Variants in TUNAR observed in about 807,000 individuals in gnomAD.
TUNAR encodes the protein protein TUNAR.
At chr14:95,913,452 A>G (rs998801446) in intron 2 of TUNAR, among the ~76,000 whole-genome samples, 1 of 152,100 alleles carries the variant, frequency 6.6e-6, no homozygotes, top group Non-Finnish European at 1.5e-5. Flanking sequence ...TTTGCTGAGA[A>G]TGGTCACCAT....
At chr14:95,919,771 AAGAT>A (rs1448543002) in intron 2 of TUNAR, among the ~76,000 whole-genome samples, 1 of 152,184 alleles carries the variant, frequency 6.6e-6, no homozygotes, top group Non-Finnish European at 1.5e-5. Context: ...CCCAAAAAAG[AAGAT>A]AGATGAATAA....
chr14:95,917,819 A>G (rs138073142), intron 2 of TUNAR, among the ~76,000 whole-genome samples: 98 of 152,374 alleles, frequency 6.4e-4, no homozygotes, highest in Non-Finnish European at 1.1e-3. Flanking sequence ...CACAAACCAC[A>G]GAATTCATCT....
intron 2 of TUNAR, among the ~76,000 whole-genome samples, chr14:95,892,406 A>G (rs1889194422): frequency 1.3e-5 from 2 of 152,370 alleles, no homozygotes; most frequent in South Asian, 4.1e-4. Context: ...AGTGGGTGGC[A>G]GTGCGAGCAC....
intron 2 of TUNAR, among the ~76,000 whole-genome samples, chr14:95,897,100 C>T (rs1489811136): frequency 6.6e-6 from 1 of 152,202 alleles, no homozygotes; most frequent in Non-Finnish European, 1.5e-5. Flanking sequence ...TCATAAAAGC[C>T]CTGATACATC....
At chr14:95,910,624 C>A (rs1308689110) in intron 2 of TUNAR, among the ~76,000 whole-genome samples, 2 of 152,232 alleles carry the variant, frequency 1.3e-5, no homozygotes, top group Admixed American at 6.5e-5. Context: ...GATATTTTAT[C>A]TCTTCACTGG....
At chr14:95,901,698 G>A (rs1889356626) in intron 2 of TUNAR, among the ~76,000 whole-genome samples, 1 of 152,254 alleles carries the variant, frequency 6.6e-6, no homozygotes, top group Admixed American at 6.5e-5. Flanking sequence ...CACAGGGGCT[G>A]CAATGAAGGA....
At chr14:95,902,156 G>A (rs1889365248) in intron 2 of TUNAR, among the ~76,000 whole-genome samples, 1 of 152,180 alleles carries the variant, frequency 6.6e-6, no homozygotes, top group Non-Finnish European at 1.5e-5. Flanking sequence ...GTAGTATCAA[G>A]TGTATTTTTC....
At chr14:95,907,101 A>G (rs1175299032) in intron 2 of TUNAR, among the ~76,000 whole-genome samples, 1 of 151,868 alleles carries the variant, frequency 6.6e-6, no homozygotes, top group Non-Finnish European at 1.5e-5. Context: ...GGTCCTTGAA[A>G]TCTCTCCAAG....
intron 2 of TUNAR, among the ~76,000 whole-genome samples, chr14:95,892,294 T>C (rs557212180): frequency 1.4e-4 from 21 of 152,276 alleles, no homozygotes; most frequent in East Asian, 3.9e-4. Flanking sequence ...TGCTCATGAG[T>C]CCCTCTGCCA....
intron 2 of TUNAR, among the ~76,000 whole-genome samples, chr14:95,915,167 T>A (rs563521952): frequency 2.0e-5 from 3 of 152,276 alleles, no homozygotes; most frequent in South Asian, 2.1e-4. Context: ...GCCAACAAAA[T>A]AACCTTGAAT....
intron 2 of TUNAR, among the ~76,000 whole-genome samples, chr14:95,915,487 A>G (rs1238966352): frequency 6.6e-6 from 1 of 152,240 alleles, no homozygotes; most frequent in Non-Finnish European, 1.5e-5. Context: ...AGGCTTAGCC[A>G]GGATCCAGAC....
chr14:95,896,123 C>T (rs972151534), intron 2 of TUNAR, among the ~76,000 whole-genome samples: 2 of 152,180 alleles, frequency 1.3e-5, no homozygotes, highest in African/African-American at 4.8e-5. Flanking sequence ...AGTGGATATT[C>T]AAACCGGCCT....
At chr14:95,879,285 C>T (rs1888940064) in intron 2 of TUNAR, among the ~76,000 whole-genome samples, 1 of 152,166 alleles carries the variant, frequency 6.6e-6, no homozygotes, top group South Asian at 2.1e-4. Flanking sequence ...CGGCTCTCAG[C>T]GGGTTTTGTG....
chr14:95,905,837 CT>C (rs1445579259), intron 2 of TUNAR, among the ~76,000 whole-genome samples: 1 of 152,136 alleles, frequency 6.6e-6, no homozygotes, highest in Non-Finnish European at 1.5e-5. Context: ...TATTGGAACT[CT>C]ACTGTAAGAA....
rs568558645 is a variant in TUNAR at position 95,883,732 on chromosome 14, C to T, written c.12+6555C>T. Among the ~76,000 whole-genome samples, 218 of 152,286 alleles carry T rather than the reference C, an allele frequency of 1.4e-3. 3 individuals are homozygous for T. Among genetic ancestry groups the T allele is most frequent in the Admixed American group, 2.9e-3 (45 of 15,310 alleles). ...GCCTAGGGCCAAGCCACCCCCCCGC[C>T]GCCACTCTGACCCTTCACTGGTTTC... On this transcript the variant is annotated intron_variant, in intron 2 of 2. Coordinates refer to ENST00000678517, the Ensembl canonical transcript of TUNAR.
At chr14:95,891,459 C>G (rs369240095) in intron 2 of TUNAR, among the ~76,000 whole-genome samples, 1 of 152,288 alleles carries the variant, frequency 6.6e-6, no homozygotes, top group East Asian at 1.9e-4. Flanking sequence ...GGGCACAGGT[C>G]AAATTTAGCA....
chr14:95,885,865 G>T (rs1182748364), intron 2 of TUNAR, among the ~76,000 whole-genome samples: 4 of 152,290 alleles, frequency 2.6e-5, no homozygotes, highest in Non-Finnish European at 5.9e-5. Context: ...GAATGAGCAT[G>T]GTTGTCCCGG....
intron 2 of TUNAR, among the ~76,000 whole-genome samples, chr14:95,897,184 C>G (rs2139660544): frequency 6.6e-6 from 1 of 152,326 alleles, no homozygotes; most frequent in Admixed American, 6.5e-5. Flanking sequence ...CTCGTCAGAA[C>G]TTTGTCCCCA....
chr14:95,881,954 A>G (rs1257824110), intron 2 of TUNAR, among the ~76,000 whole-genome samples: 2 of 152,226 alleles, frequency 1.3e-5, no homozygotes, highest in East Asian at 3.8e-4. Context: ...TGCCTGTGTC[A>G]TGTGAGTGAC....
Sources: allele counts gnomAD v4.1 joint callset (sites outside exome capture counted in the v4.1 genomes callset), GRCh38; gene constraint gnomAD v4.1.1; transcripts MANE v1.5; gene names NCBI Gene and HGNC (gene_info 2026-07-23, HGNC 2026-07-21).